Variants in MYH10 observed in about 807,000 individuals in gnomAD.
MYH10 encodes myosin heavy chain 10.
In MYH10, 55 loss-of-function variants were observed where a neutral mutation model predicts 257.8. That is an observed-to-expected ratio of 0.21 (90% CI 0.17 to 0.27). The LOEUF is 0.27. Among genes scored for constraint, MYH10 ranks in the 10% least tolerant of loss-of-function variants. MYH10 has a pLI of 1.00. For synonymous variants in MYH10, 854 were observed against 921.7 expected (o/e 0.93, Z 1.33); for missense variants, 1,631 against 2,500.6 (o/e 0.65, Z 7.42).
At chr17:8,580,480 C>A (rs1030333286) in intron 4 of MYH10, among the ~76,000 whole-genome samples, 2 of 151,432 alleles carry the variant, frequency 1.3e-5, no homozygotes, top group Non-Finnish European at 2.9e-5. Context: ...AAGTTCAAAA[C>A]AAGCAAGGAT....
chr17:8,548,483 G>T, intron 10 of MYH10, 75 bp from the exon 11 acceptor site: 1 of 1,402,196 alleles, frequency 7.1e-7, no homozygotes, highest in South Asian at 1.3e-5. Flanking sequence ...CATTTATTTT[G>T]TGCTAAAAAT....
chr17:8,513,579 C>G lies in MYH10; in HGVS notation c.2704G>C (p.Val902Leu), dbSNP rs150950768. ...TCCATCTCCTCCAGCTCTCCTTCCA[C>G]CTTCGTCTGCTTCTCCTTCACCTTC... Reference protein sequence around the residue: ...LLKVKEKQTKVEGELEEMERK... With the variant: ...LLKVKEKQTKLEGELEEMERK... Residue 902 changes from valine (V) to leucine (L), a missense_variant, in exon 23 of 43, where the codon GTG (valine) becomes CTG (leucine). By Grantham distance (32) the Val-to-Leu change is conservative. Around this residue, in one of 11 missense-constraint regions of MYH10, gnomAD observed 116 missense variants for 221.6 expected, o/e 0.52. Transcript: ENST00000360416. The G allele has an allele frequency of 1.3e-4, 209 of 1,614,044 alleles. No individual in the cohort carries two copies. The highest frequency in any genetic ancestry group is 1.7e-4 in the Non-Finnish European group (195 of 1,180,014).
chr17:8,593,782 T>A (rs2084259540), intron 3 of MYH10, among the ~76,000 whole-genome samples: 1 of 152,054 alleles, frequency 6.6e-6, no homozygotes, highest in Non-Finnish European at 1.5e-5. Flanking sequence ...TTCAGTGCAA[T>A]CCAATCAAAA....
At chr17:8,629,968 C>G (rs931374280) in intron 1 of MYH10, among the ~76,000 whole-genome samples, 1 of 151,956 alleles carries the variant, frequency 6.6e-6, no homozygotes, top group Non-Finnish European at 1.5e-5. Flanking sequence ...CTTCCCCGGC[C>G]GCGCAGAGCC....
intron 16 of MYH10, among the ~76,000 whole-genome samples, chr17:8,531,960 C>T (rs950626425): frequency 1.6e-4 from 24 of 152,180 alleles, no homozygotes; most frequent in African/African-American, 5.8e-4. Context: ...TCTGTGCCTG[C>T]CACTGCTTTC....
intron 3 of MYH10, among the ~76,000 whole-genome samples, chr17:8,602,553 T>C (rs2152072796): frequency 6.6e-6 from 1 of 152,358 alleles, no homozygotes; most frequent in Middle Eastern, 3.4e-3. Flanking sequence ...TGTTGTGTAG[T>C]AGATCAGCAG....
chr17:8,508,479 T>G, intron 26 of MYH10, 75 bp downstream of exon 26: 3 of 1,580,650 alleles, frequency 1.9e-6, no homozygotes, highest in Non-Finnish European at 2.6e-6. Context: ...TTTTTATTTT[T>G]GCATGTTCTG....
In MYH10 at chr17:8,535,020, G is replaced by C. The variant is rs1222908565; in HGVS notation, c.1894+367C>G. 6.6e-6 allele frequency among the ~76,000 whole-genome samples: 1 copy of C among 152,192 alleles called. No individual in the cohort carries two copies. The highest frequency in any genetic ancestry group is 2.4e-5 in the African/African-American group (1 of 41,440). ...GGTGAGGAAGGACGGAGCTCAGCAG[G>C]CCTGACACAGGGAAAATGGAATGAG... On this transcript the variant is annotated intron_variant, in intron 16 of 42. Coordinates refer to ENST00000360416, the MANE Select transcript of MYH10 (RefSeq NM_001256012.3). This position sits in a 1 kb window ranked among gnomAD's most constrained non-coding sequence, Gnocchi z 4.3.
At chr17:8,571,907 C>T (rs2083357495) in intron 6 of MYH10, among the ~76,000 whole-genome samples, 1 of 139,250 alleles carries the variant, frequency 7.2e-6, no homozygotes, top group Non-Finnish European at 1.5e-5. Flanking sequence ...TTTGCATTAA[C>T]TGTTTGGGTC....
chr17:8,560,743 GCA>G, intron 7 of MYH10: 1 of 615,498 alleles, frequency 1.6e-6, no homozygotes. Context: ...TCATCCTGAA[GCA>G]CACAGGTCCT....
At chr17:8,586,800 G>A (rs1275187353) in intron 4 of MYH10, among the ~76,000 whole-genome samples, 1 of 152,148 alleles carries the variant, frequency 6.6e-6, no homozygotes, top group African/African-American at 2.4e-5. Flanking sequence ...AGTGCTTCCT[G>A]CTTTCAGACG....
chr17:8,569,173 G>T lies in MYH10; in HGVS notation c.756+547C>A, dbSNP rs1369562536. On this transcript the variant is annotated intron_variant, in intron 7 of 42. Transcript: ENST00000360416. The surrounding 1 kb of genome is among the most constrained non-coding windows in gnomAD (Gnocchi z 4.1). ...GGAGTTGGTGGCTGCAGTGAGCTAT[G>T]ACTGTGCCACTGCACTCCAGGCTGG... Among the ~76,000 whole-genome samples, 3 of 151,736 alleles carry T rather than the reference G, an allele frequency of 2.0e-5. No individual in the cohort carries two copies. In the East Asian group the frequency reaches 5.9e-4, roughly 30 times the overall value.
intron 2 of MYH10, among the ~76,000 whole-genome samples, chr17:8,611,186 G>A (rs1454417590): frequency 2.6e-5 from 4 of 152,182 alleles, no homozygotes; most frequent in African/African-American, 9.7e-5. Context: ...TACACCCTAA[G>A]AGTTAAGACT....
At chr17:8,542,774 T>G (rs941914691) in intron 13 of MYH10, among the ~76,000 whole-genome samples, 2 of 152,180 alleles carry the variant, frequency 1.3e-5, no homozygotes, top group African/African-American at 4.8e-5. Flanking sequence ...GGCTGTGGGC[T>G]CTAAGGTGAG....
chr17:8,533,109 G>T (rs150354457), intron 16 of MYH10, among the ~76,000 whole-genome samples: 1 of 151,858 alleles, frequency 6.6e-6, no homozygotes, highest in South Asian at 2.1e-4. Context: ...TCATCTCCAC[G>T]CCCACTGTCA....
intron 1 of MYH10, among the ~76,000 whole-genome samples, chr17:8,630,005 G>C (rs1012056094): frequency 2.6e-5 from 4 of 151,860 alleles, no homozygotes; most frequent in African/African-American, 7.2e-5. Context: ...TCCACCCACG[G>C]GTCGGGCGCG....
At chr17:8,609,057 C>T (rs1455636474) in intron 2 of MYH10, among the ~76,000 whole-genome samples, 2 of 152,130 alleles carry the variant, frequency 1.3e-5, no homozygotes, top group Admixed American at 6.5e-5. Context: ...GTGATCTGCC[C>T]GCCTTGGCCT....
chr17:8,478,878 T>C (rs531872280), intron 40 of MYH10, among the ~76,000 whole-genome samples: 26 of 152,182 alleles, frequency 1.7e-4, no homozygotes, highest in Non-Finnish European at 3.4e-4. Flanking sequence ...TTACAAGGCA[T>C]GCACCACCAC....
chr17:8,549,005 C>T (rs7219866), intron 9 of MYH10, among the ~76,000 whole-genome samples: 1,926 of 152,206 alleles, frequency 0.013, 22 homozygotes, highest in Non-Finnish European at 0.017. Context: ...ATGTTAACAA[C>T]GCAAAAACCT....
Sources: gnomAD v4.1 joint callset for allele counts (sites outside exome capture counted in the v4.1 genomes callset) on GRCh38, gnomAD v4.1.1 for gene constraint, gnomAD v4.1.1 regional missense constraint, Gnocchi (gnomAD v3.1) non-coding constraint, MANE v1.5 for transcripts, NCBI Gene and HGNC (gene_info 2026-07-23, HGNC 2026-07-21) for gene names.